Variants in DYNC1H1 observed in about 807,000 individuals in gnomAD.
The protein encoded by DYNC1H1 is cytoplasmic dynein 1 heavy chain 1.
DYNC1H1 carries 51 observed loss-of-function variants against 527.1 expected under a neutral mutation model. The ratio of observed to expected loss-of-function variants is 0.10; its 90% CI spans 0.08 to 0.12. The LOEUF is 0.12. Among genes scored for constraint, DYNC1H1 ranks in the 10% least tolerant of loss-of-function variants. The pLI is 1.00. For synonymous variants in DYNC1H1, 2,189 were observed against 2,278.8 expected, an observed-to-expected ratio of 0.96 and a Z score of 1.12; for missense variants, 2,771 against 5,971.8, an observed-to-expected ratio of 0.46 and a Z score of 17.66.
rs751676054 is a variant in DYNC1H1, at chr14:102,038,688, A to G, written c.11056-10A>G. The G allele has an allele frequency of 1.1e-5, 17 of 1,614,072 alleles. No individual in the cohort carries two copies. Among genetic ancestry groups the G allele is most frequent in the Admixed American group, 1.7e-5 (1 of 60,010 alleles). On this transcript the variant is annotated splice_polypyrimidine_tract_variant and intron_variant, in intron 58 of 77. Transcript: ENST00000360184. This position sits in a 1 kb window ranked among gnomAD's most constrained non-coding sequence, Gnocchi z 7.2. ...ATTAAGACAGACTGTTCTGTTACCT[A>G]TTTTGGCAGGTCGAGTTCCCACCAG...
In DYNC1H1 at chr14:102,034,523, C is replaced by A. The variant is rs2048548379; in HGVS notation, c.10754+71C>A. The A allele has an allele frequency of 5.6e-6, 9 of 1,608,126 alleles. 1 individual carries two copies. In the South Asian group the frequency reaches 7.7e-5, roughly 14 times the overall value. On this transcript the variant is annotated intron_variant, in intron 56 of 77. Coordinates refer to ENST00000360184, the MANE Select transcript of DYNC1H1 (RefSeq NM_001376.5). ...GTGATCTTGAATTTTTTTCAAAATACACCCTTGTTTGAAGAGAGGAATAGA... is the reference window on the plus strand; with the variant it reads ...GTGATCTTGAATTTTTTTCAAAATAAACCCTTGTTTGAAGAGAGGAATAGA...
Position 102,017,594 on chromosome 14 carries a change from A to G in DYNC1H1, c.8177+90A>G, listed in dbSNP as rs914472337. ...GCGCCACAAAAACCTGGTTTTGATA[A>G]TAAAGACAACAATACTGCTTATTGT... is the stretch of plus-strand genomic sequence containing the variant. On this transcript the variant is annotated intron_variant, in intron 40 of 77. Transcript: ENST00000360184. The surrounding 1 kb of genome is among the most constrained non-coding windows in gnomAD (Gnocchi z 4.6). 12 of 1,605,070 alleles carry G rather than the reference A, an allele frequency of 7.5e-6. No homozygotes were observed. Among genetic ancestry groups the G allele is most frequent in the Non-Finnish European group, 9.4e-6 (11 of 1,172,700 alleles).
intron 17 of DYNC1H1, 33 bp downstream of exon 17, chr14:102,000,177 C>G: frequency 6.2e-7 from 1 of 1,614,028 alleles, no homozygotes; most frequent in Non-Finnish European, 8.5e-7. Flanking sequence ...TGGAGAATCC[C>G]GCTCCCCACC....
Position 101,986,019 on chromosome 14 carries a change from T to C in DYNC1H1, c.1794T>C (p.Arg598=). The C allele has an allele frequency of 6.2e-7, 1 of 1,614,180 alleles. No individual in the cohort carries two copies. Among genetic ancestry groups the C allele is most frequent in the Non-Finnish European group, 8.5e-7 (1 of 1,180,034 alleles). The change falls in exon 8 of 78, where the codon CGT becomes CGC. Residue 598 remains arginine (R), a synonymous_variant. Transcript: ENST00000360184. The surrounding 1 kb of genome is among the most constrained non-coding windows in gnomAD (Gnocchi z 8.7). ...CACTGTTTGTCAGGCCTCACATCCG[T>C]GGGGCCATTCGCGAATACCAGACCC... ...FNALFVRPHI[R]GAIREYQTQL...
intron 57 of DYNC1H1, chr14:102,037,831 T>C (rs938402973): frequency 1.3e-5 from 2 of 154,298 alleles, no homozygotes; most frequent in Admixed American, 1.3e-4. Context: ...ATTATGCAAA[T>C]GGAAAAAAAT....
At chr14:102,031,804 A>G (rs537071783) in intron 51 of DYNC1H1, among the ~76,000 whole-genome samples, 2 of 152,224 alleles carry the variant, frequency 1.3e-5, no homozygotes, top group Admixed American at 1.3e-4. Context: ...AAAATAGGAA[A>G]TTAGCTGGGC....
In DYNC1H1 at chr14:101,964,787, G is replaced by T. The variant is rs2141258523; in HGVS notation, c.96G>T (p.Lys32Asn). Residue 32 changes from lysine to asparagine, a missense_variant, in exon 1 of 78, where the codon AAG becomes AAT. This residue lies in a region of DYNC1H1 where 101 missense variants were observed against 105.3 expected (regional missense o/e 0.96). Coordinates refer to ENST00000360184, the MANE Select transcript of DYNC1H1 (RefSeq NM_001376.5). This position sits in a 1 kb window ranked among gnomAD's most constrained non-coding sequence, Gnocchi z 5.5. ...QNVADVSVLQ[K>N]HLRKLVPLLL... ...TGGCGGACGTGTCGGTGCTGCAGAA[G>T]CACCTGCGCAAGCTGGTGCCGCTGC... The T allele has an allele frequency of 6.2e-7, 1 of 1,602,394 alleles. No homozygotes were observed. The highest frequency in any genetic ancestry group is 8.5e-7 in the Non-Finnish European group (1 of 1,176,762).
chr14:102,033,350 C>A lies in DYNC1H1; in HGVS notation c.10279C>A (p.Gln3427Lys). ...QKLEDDAKDN[Q>K]QKANEVEQMI... ...GCTGGAAGATGACGCCAAGGACAAC[C>A]AGCAGAAGGCCAACGAGGTGGAGCA... Residue 3427 changes from glutamine (Q) to lysine (K), a missense_variant, in exon 54 of 78, where the codon CAG (glutamine) becomes AAG (lysine). By Grantham distance (53) the Gln-to-Lys change is moderately conservative. This residue lies in a region of DYNC1H1 where 283 missense variants were observed against 737.6 expected (regional missense o/e 0.38). Coordinates refer to ENST00000360184, the MANE Select transcript of DYNC1H1 (RefSeq NM_001376.5). The surrounding 1 kb of genome is among the most constrained non-coding windows in gnomAD (Gnocchi z 5.6). 6 of 1,614,228 alleles carry A rather than the reference C, an allele frequency of 3.7e-6. No homozygotes were observed. The highest frequency in any genetic ancestry group is 5.1e-6 in the Non-Finnish European group (6 of 1,180,042).
rs900171196 is a variant in DYNC1H1, at chr14:101,983,929, G to A, written c.1461+320G>A. ...GGCCTTCAAGTGTTCCACCTGCCTC[G>A]GCCTCCCAAAGTGCCGGGATTATAG... On this transcript the variant is annotated intron_variant, in intron 7 of 77. Coordinates refer to ENST00000360184, the MANE Select transcript of DYNC1H1 (RefSeq NM_001376.5). The surrounding 1 kb of genome is among the most constrained non-coding windows in gnomAD (Gnocchi z 5.3). 4.6e-5 allele frequency among the ~76,000 whole-genome samples: 7 copies of A among 151,790 alleles called. No homozygotes were observed. Among genetic ancestry groups the A allele is most frequent in the Non-Finnish European group, 7.4e-5 (5 of 67,948 alleles).
At chr14:101,966,608 C>T (rs1326135075) in intron 1 of DYNC1H1, among the ~76,000 whole-genome samples, 1 of 152,018 alleles carries the variant, frequency 6.6e-6, no homozygotes, top group Non-Finnish European at 1.5e-5. Flanking sequence ...TTTTAATCTG[C>T]ATTTTTAAAG....
rs1043365113 is a variant in DYNC1H1, at chr14:102,048,306, G to A, written c.13219-210G>A. The A allele has an allele frequency of 8.0e-6, 6 of 752,242 alleles. No homozygotes were observed. The African/African-American group carries it at 8.8e-5, about 11-fold the overall frequency. The allele number at this position is 752,242 out of a possible 1,614,324, so 46.6% of individuals were successfully genotyped here. A position where few individuals can be genotyped will look rare whatever the true frequency, so the allele number is the denominator to read the frequency against. ...TCCTCCCTAGAGAGCCCCGAGAGCT[G>A]CGACTCGGGCAGGGGCCTCAGCGGG... On this transcript the variant is annotated intron_variant, in intron 73 of 77. Transcript: ENST00000360184.
chr14:101,965,853 A>C lies in DYNC1H1; in HGVS notation c.256+906A>C, dbSNP rs1306302525. ...AAAAGATTCAGGTTAGGCACCTAGT[A>C]GGGGGAAGAGGCTAGAGTTAGCGTG... is the stretch of plus-strand genomic sequence containing the variant. On this transcript the variant is annotated intron_variant, in intron 1 of 77. Coordinates refer to ENST00000360184, the MANE Select transcript of DYNC1H1 (RefSeq NM_001376.5). The surrounding 1 kb of genome is among the most constrained non-coding windows in gnomAD (Gnocchi z 4.1). Among the ~76,000 whole-genome samples the C allele has an allele frequency of 6.6e-6, 1 of 150,974 alleles. No homozygotes were observed.
chr14:102,030,877 A>G (rs4900531), intron 51 of DYNC1H1, among the ~76,000 whole-genome samples: 13,382 of 152,178 alleles, frequency 0.088, 986 homozygotes, highest in East Asian at 0.23. Flanking sequence ...AGGCAGGAGG[A>G]TCATTTGAGG....
In DYNC1H1 at chr14:102,040,347, G is replaced by T. The variant is rs151307859; in HGVS notation, c.11802G>T (p.Ala3934=). ...IQGLTVEQAE[A]VVRLSCLPAF... ...GCCTGACTGTGGAGCAGGCGGAGGCGGTGGTGAGGCTGAGCTGCCTTCCCG... is the reference window on the plus strand; with the variant it reads ...GCCTGACTGTGGAGCAGGCGGAGGCTGTGGTGAGGCTGAGCTGCCTTCCCG... The change falls in exon 63 of 78, where the codon GCG becomes GCT. Residue 3934 remains alanine (A), a synonymous_variant. Transcript: ENST00000360184. The T allele has an allele frequency of 3.1e-6, 5 of 1,614,080 alleles. No individual in the cohort carries two copies. The highest frequency in any genetic ancestry group is 4.5e-5 in the East Asian group (2 of 44,900).
chr14:102,001,654 G>A lies in DYNC1H1; in HGVS notation c.4515G>A (p.Ser1505=), dbSNP rs186932188. The A allele has an allele frequency of 4.6e-4, 736 of 1,614,160 alleles. 8 individuals are homozygous for A. The South Asian group carries it at 5.1e-3, about 11-fold the overall frequency. Residue 1505 remains serine (S), a synonymous_variant, in exon 21 of 78, where the codon TCG becomes TCA. Transcript: ENST00000360184. This position sits in a 1 kb window ranked among gnomAD's most constrained non-coding sequence, Gnocchi z 5.0. ...TCAAAGAACACATCAACAGCGTCTCGGCCATGAAGCTCTCTCCGTATTACA... is the reference window on the plus strand; with the variant it reads ...TCAAAGAACACATCAACAGCGTCTCAGCCATGAAGCTCTCTCCGTATTACA... ...NKVKEHINSV[S]AMKLSPYYKV...
chr14:101,980,244 CAG>C (rs776604368), intron 4 of DYNC1H1, 118 bp from the exon 5 acceptor site: 79 of 1,321,760 alleles, frequency 6.0e-5, no homozygotes, highest in Middle Eastern at 5.1e-4. Context: ...TTTTGATTTA[CAG>C]GGAAGGAAAT....
chr14:101,991,808 T>A (rs2048001731), intron 11 of DYNC1H1, 135 bp downstream of exon 11: 2 of 1,318,142 alleles, frequency 1.5e-6, no homozygotes, highest in South Asian at 2.5e-5. Flanking sequence ...AGGGGAAAGT[T>A]AGGGAGGCTT....
chr14:102,038,087 T>A lies in DYNC1H1; in HGVS notation c.10909-373T>A. The A allele has an allele frequency of 2.9e-6, 1 of 350,006 alleles. No homozygotes were observed. 21.7% of individuals were successfully genotyped at this position (350,006 alleles called of 1,614,324 possible). A position where few individuals can be genotyped will look rare whatever the true frequency, so the allele number is the denominator to read the frequency against. On this transcript the variant is annotated intron_variant, in intron 57 of 77. Coordinates refer to ENST00000360184, the MANE Select transcript of DYNC1H1 (RefSeq NM_001376.5). The surrounding 1 kb of genome is among the most constrained non-coding windows in gnomAD (Gnocchi z 7.2). ...TCTGAACCTCCCAGGTTCAAGCAATTCTGTCTCAGCCTCCCAGGTAGCTGG... is the reference window on the plus strand; with the variant it reads ...TCTGAACCTCCCAGGTTCAAGCAATACTGTCTCAGCCTCCCAGGTAGCTGG...
At position 102,039,739 on chromosome 14, in the gene DYNC1H1, G is replaced by A; in HGVS notation, c.11690+7G>A. 1 of 1,614,198 alleles carries A rather than the reference G, an allele frequency of 6.2e-7. No homozygotes were observed. The highest frequency in any genetic ancestry group is 8.5e-7 in the Non-Finnish European group (1 of 1,180,046). On this transcript the variant is annotated splice_region_variant and intron_variant, in intron 62 of 77. Transcript: ENST00000360184. This position sits in a 1 kb window ranked among gnomAD's most constrained non-coding sequence, Gnocchi z 7.0. ...AACTGAAGGGCACCGTGGGGTAAGA[G>A]CACTCACGCCCACAGGAGGATGCCA...
Sources: allele counts gnomAD v4.1 joint callset (sites outside exome capture counted in the v4.1 genomes callset), GRCh38; gene constraint gnomAD v4.1.1; regional missense constraint gnomAD v4.1.1; non-coding constraint Gnocchi (gnomAD v3.1); transcripts MANE v1.5; gene names NCBI Gene and HGNC (gene_info 2026-07-23, HGNC 2026-07-21).